The following SAP130 variants were observed in gnomAD, a reference collection of about 807,000 sequenced individuals.
The protein encoded by SAP130 is histone deacetylase complex subunit SAP130.
In SAP130, 16 loss-of-function variants were observed where a neutral mutation model predicts 103.2. That is an observed-to-expected ratio of 0.16 (90% CI 0.10 to 0.24). SAP130 has a LOEUF of 0.24. Among genes scored for constraint, SAP130 ranks in the 10% least tolerant of loss-of-function variants. The probability of loss-of-function intolerance (pLI) is 1.00; values close to 1 mark genes in which losing one functional copy is unlikely to be tolerated. For missense variants in SAP130, 990 were observed against 1,359.7 expected (o/e 0.73, Z 4.28); for synonymous variants, 477 against 497.0 (o/e 0.96, Z 0.53).
chr2:127,943,711 G>A (rs1202179021), intron 19 of SAP130, among the ~76,000 whole-genome samples: 2 of 152,192 alleles, frequency 1.3e-5, no homozygotes, highest in Admixed American at 1.3e-4. Context: ...CAGTCTACCA[G>A]GACTGTTAAG....
chr2:127,994,739 C>A (rs987956870), intron 11 of SAP130, among the ~76,000 whole-genome samples: 1 of 152,174 alleles, frequency 6.6e-6, no homozygotes, highest in African/African-American at 2.4e-5. Flanking sequence ...GCCTGGGCAA[C>A]AGAGCAAGAT....
In SAP130 at chr2:127,996,838, G is replaced by A. The variant is rs1054367829; in HGVS notation, c.1214-347C>T. On this transcript the variant is annotated intron_variant, in intron 10 of 20. Transcript: ENST00000643581. This position sits in a 1 kb window ranked among gnomAD's most constrained non-coding sequence, Gnocchi z 4.3. ...AGGCTGAGGCGGGAGGATCACTTGA[G>A]TTCAGGAGTTCAAGGCTACAGTGAG... 3.3e-5 allele frequency among the ~76,000 whole-genome samples: 5 copies of A among 151,976 alleles called. No individual in the cohort carries two copies. Among genetic ancestry groups the A allele is most frequent in the African/African-American group, 9.7e-5 (4 of 41,370 alleles).
At chr2:127,987,022 G>A in intron 13 of SAP130, 60 bp from the exon 14 acceptor site, 2 of 1,464,248 alleles carry the variant, frequency 1.4e-6, no homozygotes, top group Non-Finnish European at 9.4e-7. Context: ...TGCCATAGAA[G>A]ACATAAATAA....
In SAP130 at chr2:127,986,353, G is replaced by A. The variant is rs186401740; in HGVS notation, c.1958+432C>T. ...TTGAGTAGCAGGGCAATGAAGAAGCGAGCCACTCCCACTGTTGCACGCCCT... is the reference window on the plus strand; with the variant it reads ...TTGAGTAGCAGGGCAATGAAGAAGCAAGCCACTCCCACTGTTGCACGCCCT... On this transcript the variant is annotated intron_variant, in intron 14 of 20. Transcript: ENST00000643581. The surrounding 1 kb of genome is among the most constrained non-coding windows in gnomAD (Gnocchi z 4.7). Among the ~76,000 whole-genome samples the A allele has an allele frequency of 1.4e-3, 208 of 152,298 alleles. 1 individual carries two copies. The highest frequency in any genetic ancestry group is 4.7e-3 in the African/African-American group (197 of 41,562).
chr2:128,027,375 A>G, intron 1 of SAP130: 2 of 1,134,214 alleles, frequency 1.8e-6, no homozygotes, highest in Non-Finnish European at 2.1e-6. Flanking sequence ...GGACCAATCC[A>G]CAGCGACCTG....
Position 127,975,464 on chromosome 2 carries a change from G to A in SAP130, c.2063+2521C>T, listed in dbSNP as rs563021928. Among the ~76,000 whole-genome samples the A allele has an allele frequency of 3.3e-5, 5 of 152,206 alleles. No individual in the cohort carries two copies. In the East Asian group the frequency reaches 9.7e-4, roughly 29 times the overall value. ...AAAGTCTAGTGAATATAAAAAGGAA[G>A]GTAAAGTAGCTTTAATATAATCTTT... is the stretch of plus-strand genomic sequence containing the variant. On this transcript the variant is annotated intron_variant, in intron 15 of 20. Coordinates refer to ENST00000643581, the MANE Select transcript of SAP130 (RefSeq NM_001330301.2).
rs1679788450 is a variant in SAP130 at position 127,955,630 on chromosome 2, G to A, written c.2064-286C>T. Among the ~76,000 whole-genome samples, 1 of 152,232 alleles carries A rather than the reference G, an allele frequency of 6.6e-6. No homozygotes were observed. Among genetic ancestry groups the A allele is most frequent in the East Asian group, 1.9e-4 (1 of 5,174 alleles). On this transcript the variant is annotated intron_variant, in intron 15 of 20. Transcript: ENST00000643581. This position sits in a 1 kb window ranked among gnomAD's most constrained non-coding sequence, Gnocchi z 4.9. Reference sequence around the variant, plus strand: ...TCCTCCCGAGTAGCTGAGACTACAGGTGTGTGCCACCATGCCAGGCTAATT... The same window carrying A: ...TCCTCCCGAGTAGCTGAGACTACAGATGTGTGCCACCATGCCAGGCTAATT...
chr2:127,979,446 G>T (rs985144557), intron 14 of SAP130, among the ~76,000 whole-genome samples: 1 of 151,918 alleles, frequency 6.6e-6, no homozygotes, highest in Admixed American at 6.6e-5. Flanking sequence ...ATCCAGAGGG[G>T]GTATGGCCCA....
At chr2:127,952,078 A>G (rs2438013) in intron 16 of SAP130, among the ~76,000 whole-genome samples, 115,423 of 152,080 alleles carry the variant, frequency 0.76, 45,895 homozygotes, top group Non-Finnish European at 0.88. Context: ...GGAATTCACA[A>G]CTTTCTCCTG....
rs1466509615 is a variant in SAP130, at chr2:127,953,277, TA to T, written c.2422+1708del. The stretch of plus-strand genomic sequence containing the variant: ...TCATTACACACTCTTAGCTCTACCT[TA>T]AAAACATAAACAGAATCCTACCACC... On this transcript the variant is annotated intron_variant, in intron 16 of 20. Coordinates refer to ENST00000643581, the MANE Select transcript of SAP130 (RefSeq NM_001330301.2). The surrounding 1 kb of genome is among the most constrained non-coding windows in gnomAD (Gnocchi z 4.0). Among the ~76,000 whole-genome samples the T allele has an allele frequency of 6.6e-6, 1 of 152,158 alleles. No individual in the cohort carries two copies. The highest frequency in any genetic ancestry group is 1.5e-5 in the Non-Finnish European group (1 of 68,024).
chr2:128,006,937 T>C (rs998920596), intron 7 of SAP130, among the ~76,000 whole-genome samples: 3 of 152,214 alleles, frequency 2.0e-5, no homozygotes, highest in Admixed American at 2.0e-4. Context: ...GTTGTAGATA[T>C]AAAGAGAAAA....
At position 127,941,916 on chromosome 2, in the gene SAP130, A is replaced by C; in HGVS notation, c.*90T>G. ...ACTAAGGAACACTTCCTTTATTTCA[A>C]TGTTCCACTTTGGAAAAAACCAAAA... On this transcript the variant is annotated 3_prime_UTR_variant, in exon 21 of 21. Coordinates refer to ENST00000643581, the MANE Select transcript of SAP130 (RefSeq NM_001330301.2). 6 of 883,030 alleles carry C rather than the reference A, an allele frequency of 6.8e-6. No homozygotes were observed. The highest frequency in any genetic ancestry group is 1.7e-5 in the African/African-American group (1 of 58,052). 54.7% of individuals were successfully genotyped at this position (883,030 alleles called of 1,614,324 possible).
chr2:128,027,402 CCCACCCTCCCGCCGACTG>C, intron 1 of SAP130: 6 of 1,133,984 alleles, frequency 5.3e-6, no homozygotes, highest in Non-Finnish European at 6.5e-6. Context: ...CAGAGCCCGC[CCCACCCTCCCGCCGACTG>C]CCAGCCAATC....
At chr2:127,993,824 T>C (rs1682983710) in intron 11 of SAP130, among the ~76,000 whole-genome samples, 1 of 152,172 alleles carries the variant, frequency 6.6e-6, no homozygotes, top group South Asian at 2.1e-4. Flanking sequence ...AGCACAATCA[T>C]GGTACACTAT....
At chr2:127,966,059 T>C (rs1003687279) in intron 15 of SAP130, among the ~76,000 whole-genome samples, 2 of 152,004 alleles carry the variant, frequency 1.3e-5, no homozygotes, top group Non-Finnish European at 2.9e-5. Flanking sequence ...AACTTCCTTG[T>C]AGGCTAGGTG....
At chr2:127,998,501 T>C (rs1213824711) in intron 10 of SAP130, among the ~76,000 whole-genome samples, 1 of 152,194 alleles carries the variant, frequency 6.6e-6, no homozygotes, top group Non-Finnish European at 1.5e-5. Context: ...TGAAAATCAG[T>C]GGTCTAGGGT....
rs35797540 is a variant in SAP130 at position 128,025,003 on chromosome 2, C to CAAAAAA, written c.112+1172_112+1177dup. On this transcript the variant is annotated intron_variant, in intron 2 of 20. Coordinates refer to ENST00000643581, the MANE Select transcript of SAP130 (RefSeq NM_001330301.2). ...AGTGACAGAGTGAGACCCTATTGCG[C>CAAAAAA]AAAAAAAAAAAAAAAAAAGCCTCAG... 2.9e-4 allele frequency among the ~76,000 whole-genome samples: 29 copies of CAAAAAA among 100,226 alleles called. 2 individuals are homozygous for CAAAAAA. The highest frequency in any genetic ancestry group is 5.4e-3 in the Middle Eastern group (1 of 186). 65.8% of individuals were successfully genotyped at this position (100,226 alleles called of 152,430 possible).
intron 7 of SAP130, among the ~76,000 whole-genome samples, chr2:128,008,031 C>T (rs1684095539): frequency 6.6e-6 from 1 of 152,186 alleles, no homozygotes; most frequent in South Asian, 2.1e-4. Context: ...AAAGAGGCAT[C>T]TCCGATTCCT....
intron 15 of SAP130, among the ~76,000 whole-genome samples, chr2:127,964,131 G>C (rs1453385528): frequency 6.6e-6 from 1 of 152,110 alleles, no homozygotes; most frequent in African/African-American, 2.4e-5. Context: ...GGAGTTCAAG[G>C]CTTCAGTGAA....
Sources: gnomAD v4.1 joint callset for allele counts (sites outside exome capture counted in the v4.1 genomes callset) on GRCh38, gnomAD v4.1.1 for gene constraint, Gnocchi (gnomAD v3.1) non-coding constraint, MANE v1.5 for transcripts, NCBI Gene and HGNC (gene_info 2026-07-23, HGNC 2026-07-21) for gene names.